RPS24: variants seen among roughly 807,000 people sequenced by gnomAD.
RPS24 encodes the protein ribosomal protein S24, also known as small ribosomal subunit protein eS24.
For synonymous variants in RPS24, 72 were observed against 55.6 expected (o/e 1.30, Z -1.31); for missense variants, 100 against 162.5 (o/e 0.62, Z 2.09).
chr10:78,037,440 A>G lies in RPS24; in HGVS notation c.390+136A>G, dbSNP rs868534783. On this transcript the variant is annotated intron_variant, in intron 4 of 5. Transcript: ENST00000372360. ...TTTCCCTCTTCTTCTGGATTACAGA[A>G]GGTAACATGTTTTAAGAAACTATGT... The G allele has an allele frequency of 1.1e-5, 16 of 1,393,666 alleles. No homozygotes were observed. In the African/African-American group the frequency reaches 2.0e-4, roughly 18 times the overall value. 86.3% of individuals were successfully genotyped at this position (1,393,666 alleles called of 1,614,324 possible).
At chr10:78,044,943 G>C (rs1413463246), downstream of RPS24, among the ~76,000 whole-genome samples, 1 of 151,850 alleles carries the variant, frequency 6.6e-6, no homozygotes, top group Non-Finnish European at 1.5e-5. Context: ...ATATTGGAGA[G>C]GGAATTTATG....
intron 4 of RPS24, among the ~76,000 whole-genome samples, chr10:78,047,098 G>A (rs1001950984): frequency 2.6e-5 from 4 of 151,660 alleles, no homozygotes; most frequent in Admixed American, 2.0e-4. Context: ...TGGGACTACT[G>A]GTGCCTGCCA....
chr10:78,053,419 G>A (rs927711713), intron 4 of RPS24, among the ~76,000 whole-genome samples: 5 of 152,084 alleles, frequency 3.3e-5, no homozygotes, highest in African/African-American at 1.2e-4. Context: ...TCCTGTCCAC[G>A]CAGCTGGGAT....
exon 5 of RPS24, chr10:78,054,763 C>A (rs763771524): frequency 1.9e-6 from 3 of 1,551,516 alleles, no homozygotes; most frequent in Non-Finnish European, 2.6e-6. Context: ...TGCTGCCAGG[C>A]GTGCCTTTTG....
Position 78,040,640 on chromosome 10 carries a change from A to G in RPS24, c.*45A>G, listed in dbSNP as rs1241779596. ...CCGAAGGAGTAAAGGTGCTGCAATG[A>G]TGTTAGCTGTGGCCACTGTGGATTT... is the stretch of plus-strand genomic sequence containing the variant. On this transcript the variant is annotated 3_prime_UTR_variant, in exon 6 of 6. Transcript: ENST00000372360. The G allele has an allele frequency of 6.2e-7, 1 of 1,614,066 alleles. No individual in the cohort carries two copies. Among genetic ancestry groups the G allele is most frequent in the Non-Finnish European group, 8.5e-7 (1 of 1,179,890 alleles).
Position 78,035,618 on chromosome 10 carries a change from A to G in RPS24, c.177A>G (p.Gly59=), listed in dbSNP as rs6496. 9.0e-3 allele frequency: 14,584 copies of G among 1,612,344 alleles called. 116 individuals are homozygous for G. The highest frequency in any genetic ancestry group is 0.011 in the Non-Finnish European group (13,299 of 1,180,002). ...CACCGGATGTCATCTTTGTATTTGG[A>G]TTCAGAACTCATTTTGGTGGTGGCA... ...KTTPDVIFVF[G]FRTHFGGGKT... is the part of the protein sequence containing the mutation. The change falls in exon 3 of 6, where the codon GGA becomes GGG. Residue 59 remains glycine, a synonymous_variant. Transcript: ENST00000372360.
intron 1 of RPS24, 104 bp from the exon 2 acceptor site, chr10:78,035,248 C>A: frequency 1.7e-6 from 2 of 1,150,306 alleles, no homozygotes; most frequent in East Asian, 2.4e-5. Flanking sequence ...CGCTACATGA[C>A]TAATGGCTAC....
chr10:78,052,508 G>A (rs1016000743), intron 4 of RPS24, among the ~76,000 whole-genome samples: 2 of 152,178 alleles, frequency 1.3e-5, no homozygotes, highest in African/African-American at 4.8e-5. Context: ...ATTTCATAGT[G>A]TGATGAGGAT....
At chr10:78,045,186 C>T (rs1848030566), downstream of RPS24, among the ~76,000 whole-genome samples, 1 of 152,048 alleles carries the variant, frequency 6.6e-6, no homozygotes, top group Non-Finnish European at 1.5e-5. Context: ...CGGAGTTTTT[C>T]CATGTTGGTC....
At chr10:78,049,040 C>G (rs1176629485) in intron 4 of RPS24, 2 of 152,138 alleles carry the variant, frequency 1.3e-5, no homozygotes, top group Non-Finnish European at 2.9e-5. Context: ...ACGCAGCATG[C>G]AAGACGGGCT....
intron 5 of RPS24, 193 bp downstream of exon 5, chr10:78,040,418 T>C (rs1173781117): frequency 2.8e-6 from 2 of 712,870 alleles, no homozygotes; most frequent in South Asian, 1.8e-5. Flanking sequence ...TAGCCCATTA[T>C]TTTTGTTTTA....
chr10:78,043,689 TC>T (rs1376717463), downstream of RPS24, among the ~76,000 whole-genome samples: 1 of 152,214 alleles, frequency 6.6e-6, no homozygotes, highest in African/African-American at 2.4e-5. Context: ...TGGCTTCTGT[TC>T]CTTTCTGTGA....
chr10:78,054,397 G>T, intron 4 of RPS24: 1 of 834,044 alleles, frequency 1.2e-6, no homozygotes, highest in Non-Finnish European at 1.8e-6. Flanking sequence ...TCAAGCTTTG[G>T]CTCTGACTGC....
intron 3 of RPS24, among the ~76,000 whole-genome samples, chr10:78,036,943 C>G (rs1183066503): frequency 6.6e-6 from 1 of 152,172 alleles, no homozygotes; most frequent in Non-Finnish European, 1.5e-5. Flanking sequence ...TGGACAAGAA[C>G]AGCCAGTCTC....
At position 78,054,629 on chromosome 10, in the gene RPS24, G is replaced by A. The variant is rs1448214554; in HGVS notation, c.489G>A (p.Gly163=). 4.5e-6 allele frequency: 7 copies of A among 1,551,584 alleles called. No homozygotes were observed. The Admixed American group carries it at 7.8e-5, about 17-fold the overall frequency. ...ACTCGAAGGCAAGAGAAAGCCGGGG[G>A]GTTGTGTGGCAGGTAGAAGTGCCAG... The change falls in exon 5 of 5, where the codon GGG becomes GGA. Residue 163 remains glycine (G), a synonymous_variant. Transcript: ENST00000440692.
chr10:78,047,597 G>A (rs1430317992), intron 4 of RPS24, among the ~76,000 whole-genome samples: 5 of 152,298 alleles, frequency 3.3e-5, no homozygotes, highest in African/African-American at 1.2e-4. Flanking sequence ...AAGGTCTAAT[G>A]GGGGTGGTAA....
intron 4 of RPS24, among the ~76,000 whole-genome samples, chr10:78,048,702 C>T (rs111927125): frequency 0.059 from 8,945 of 151,878 alleles, 856 homozygotes; most frequent in African/African-American, 0.2. Context: ...TGGTGAAACC[C>T]CGTCTCTACT....
At chr10:78,053,242 C>G (rs1848118365) in intron 4 of RPS24, among the ~76,000 whole-genome samples, 1 of 151,962 alleles carries the variant, frequency 6.6e-6, no homozygotes, top group Non-Finnish European at 1.5e-5. Flanking sequence ...GGCCTGCCCC[C>G]TGGGAAGCAG....
intron 3 of RPS24, chr10:78,036,239 C>G (rs1370913782): frequency 5.6e-6 from 1 of 178,462 alleles, no homozygotes; most frequent in Non-Finnish European, 1.2e-5. Flanking sequence ...TTATCCTATC[C>G]TGTTAGATAA....
Sources: gnomAD v4.1 joint callset for allele counts (sites outside exome capture counted in the v4.1 genomes callset) on GRCh38, gnomAD v4.1.1 for gene constraint, MANE v1.5 for transcripts, NCBI Gene and HGNC (gene_info 2026-07-23, HGNC 2026-07-21) for gene names.